The following STRA8 variants were observed in gnomAD, a reference collection of about 807,000 sequenced individuals.
The protein encoded by STRA8 is stimulated by retinoic acid gene 8 protein homolog.
STRA8 carries 18 observed loss-of-function variants against 37.1 expected under a neutral mutation model. The ratio of observed to expected loss-of-function variants is 0.48; its 90% confidence interval spans 0.34 to 0.72. The LOEUF (loss-of-function observed/expected upper bound fraction) is 0.72. Among genes scored for constraint, STRA8 ranks in the 30% least tolerant of loss-of-function variants. STRA8 has a pLI of 0.01. For missense variants in STRA8, 357 were observed against 410.4 expected (o/e 0.87, Z 1.13); for synonymous variants, 168 against 162.9 (o/e 1.03, Z -0.24).
At chr7:135,255,905 G>A (rs1024755964) in intron 8 of STRA8, among the ~76,000 whole-genome samples, 1 of 152,184 alleles carries the variant, frequency 6.6e-6, no homozygotes, top group Non-Finnish European at 1.5e-5. Context: ...TTCCCAAAAC[G>A]CTGGGCTATT....
intron 1 of STRA8, among the ~76,000 whole-genome samples, chr7:135,238,355 G>C (rs1056729480): frequency 6.6e-6 from 1 of 152,150 alleles, no homozygotes; most frequent in Non-Finnish European, 1.5e-5. Context: ...AGAGGCGACT[G>C]GTGGGAAGTC....
rs1465949671 is a variant in STRA8 at position 135,233,912 on chromosome 7, C to T, written c.-7+9C>T. Among the ~76,000 whole-genome samples, 1 of 152,128 alleles carries T rather than the reference C, an allele frequency of 6.6e-6. No homozygotes were observed. The highest frequency in any genetic ancestry group is 1.5e-5 in the Non-Finnish European group (1 of 68,022). On this transcript the variant is annotated intron_variant, in intron 1 of 8. Coordinates refer to ENST00000662584, the MANE Select transcript of STRA8 (RefSeq NM_001394401.1). Reference sequence around the variant, plus strand: ...GCGTGCACCGTTGGCGAGTAAGTATCCTTTGAACGCTCCTCTCCAGAAAGG... The same window carrying T: ...GCGTGCACCGTTGGCGAGTAAGTATTCTTTGAACGCTCCTCTCCAGAAAGG...
chr7:135,245,041 C>T (rs1009774884), intron 4 of STRA8, among the ~76,000 whole-genome samples: 6 of 152,106 alleles, frequency 3.9e-5, no homozygotes, highest in African/African-American at 1.2e-4. Context: ...TTGTCAGATG[C>T]TTTTTCTGCA....
At position 135,258,619 on chromosome 7, in the gene STRA8, T is replaced by C. The variant is rs1832736849; in HGVS notation, c.*127T>C. On this transcript the variant is annotated 3_prime_UTR_variant, in exon 9 of 9. Transcript: ENST00000662584. ...TTTGGAGTGGGTTGTTCCAGAAGCA[T>C]TTTGATGATTTTAGTTTCTGATTAT... 2 of 676,962 alleles carry C rather than the reference T, an allele frequency of 3.0e-6. No individual in the cohort carries two copies. Among genetic ancestry groups the C allele is most frequent in the Non-Finnish European group, 5.0e-6 (2 of 398,072 alleles). The allele number at this position is 676,962 out of a possible 1,614,324, so 41.9% of individuals were successfully genotyped here.
intron 2 of STRA8, among the ~76,000 whole-genome samples, chr7:135,240,926 T>A (rs986878062): frequency 6.6e-6 from 1 of 152,088 alleles, no homozygotes; most frequent in African/African-American, 2.4e-5. Flanking sequence ...AAAGGTGCCA[T>A]CAGATTGGGT....
chr7:135,243,984 T>C (rs1284220895), intron 4 of STRA8, among the ~76,000 whole-genome samples: 1 of 152,232 alleles, frequency 6.6e-6, no homozygotes, highest in Non-Finnish European at 1.5e-5. Context: ...AATGTCACAT[T>C]CATACTTTGA....
At chr7:135,254,835 G>C (rs1585481252) in intron 7 of STRA8, among the ~76,000 whole-genome samples, 1 of 152,308 alleles carries the variant, frequency 6.6e-6, no homozygotes, top group East Asian at 1.9e-4. Flanking sequence ...AAGATTGAGG[G>C]ATAGAGGAAC....
chr7:135,238,085 A>C (rs1832405320), intron 1 of STRA8, among the ~76,000 whole-genome samples: 1 of 152,156 alleles, frequency 6.6e-6, no homozygotes, highest in African/African-American at 2.4e-5. Context: ...AAGACATTGA[A>C]AATCGCTCAA....
intron 1 of STRA8, among the ~76,000 whole-genome samples, 80 bp downstream of exon 1, chr7:135,233,983 T>A (rs1417488399): frequency 6.6e-6 from 1 of 152,184 alleles, no homozygotes. Context: ...AAGAATTCAG[T>A]GCAGCGGAGC....
Position 135,236,266 on chromosome 7 carries a change from ATGTGTGTGTG to A in STRA8, c.-7+2365_-7+2374del, listed in dbSNP as rs138036826. ...TGAGACCCCATCTTTATATATATAT[ATGTGTGTGTG>A]TATGTGTGTGTGTGTGTGTGTGTGT... On this transcript the variant is annotated intron_variant, in intron 1 of 8. Coordinates refer to ENST00000662584, the MANE Select transcript of STRA8 (RefSeq NM_001394401.1). Among the ~76,000 whole-genome samples, 317 of 146,246 alleles carry A rather than the reference ATGTGTGTGTG, an allele frequency of 2.2e-3. 1 individual carries two copies. Among genetic ancestry groups the A allele is most frequent in the African/African-American group, 7.1e-3 (286 of 40,102 alleles).
At chr7:135,234,996 C>A (rs1832348698) in intron 1 of STRA8, among the ~76,000 whole-genome samples, 1 of 152,174 alleles carries the variant, frequency 6.6e-6, no homozygotes, top group Non-Finnish European at 1.5e-5. Flanking sequence ...CCCAACTCAG[C>A]CTCCTGGGTG....
intron 2 of STRA8, among the ~76,000 whole-genome samples, chr7:135,241,674 C>G (rs961507927): frequency 6.6e-6 from 1 of 152,248 alleles, no homozygotes; most frequent in South Asian, 2.1e-4. Context: ...GGACTATTCC[C>G]TCCTCCTTGT....
At position 135,245,395 on chromosome 7, in the gene STRA8, A is replaced by G; in HGVS notation, c.461A>G (p.Glu154Gly). Residue 154 changes from glutamate (E) to glycine (G), a missense_variant, in exon 5 of 9, where the codon GAA becomes GGA. Physicochemically the swap from Glu to Gly is moderately conservative, Grantham distance 98. Coordinates refer to ENST00000662584, the MANE Select transcript of STRA8 (RefSeq NM_001394401.1). ...EEEDEEEEDQ[E>G]EEEEEEEEEE... ...GAAGATGAGGAAGAGGAAGATCAAGAAGAAGAGGAGGAGGAAGAAGAAGAG... is the reference window on the plus strand; with the variant it reads ...GAAGATGAGGAAGAGGAAGATCAAGGAGAAGAGGAGGAGGAAGAAGAAGAG... 1 of 743,190 alleles carries G rather than the reference A, an allele frequency of 1.3e-6. No individual in the cohort carries two copies. Among genetic ancestry groups the G allele is most frequent in the South Asian group, 1.4e-5 (1 of 72,508 alleles). The allele number at this position is 743,190 out of a possible 1,614,324, so 46.0% of individuals were successfully genotyped here.
intron 4 of STRA8, among the ~76,000 whole-genome samples, 168 bp from the exon 5 acceptor site, chr7:135,245,120 A>G (rs1832526215): frequency 6.6e-6 from 1 of 152,110 alleles, no homozygotes; most frequent in Non-Finnish European, 1.5e-5. Context: ...CAAATGTTGA[A>G]CCAGTTCTCT....
intron 1 of STRA8, among the ~76,000 whole-genome samples, chr7:135,236,985 G>C (rs776436655): frequency 6.6e-6 from 1 of 152,188 alleles, no homozygotes; most frequent in Non-Finnish European, 1.5e-5. Context: ...ATTTTTCTTA[G>C]TTGTTGCCAG....
intron 3 of STRA8, 102 bp from the exon 4 acceptor site, chr7:135,243,224 T>C (rs1832493633): frequency 8.2e-7 from 1 of 1,221,878 alleles, no homozygotes; most frequent in African/African-American, 1.5e-5. Flanking sequence ...CCCTGGAGGG[T>C]TCAGGGTCCC....
intron 7 of STRA8, 144 bp downstream of exon 7, chr7:135,252,013 A>AGTGAGTGT: frequency 4.0e-6 from 2 of 503,870 alleles, no homozygotes; most frequent in South Asian, 4.1e-5. Flanking sequence ...AGAGAGAGAG[A>AGTGAGTGT]GTGTGTGTGT....
intron 6 of STRA8, chr7:135,247,013 T>G: frequency 3.4e-6 from 1 of 292,356 alleles, no homozygotes; most frequent in Non-Finnish European, 6.4e-6. Flanking sequence ...CCCGGCTAAT[T>G]TTTTTGTATT....
intron 7 of STRA8, among the ~76,000 whole-genome samples, chr7:135,252,139 G>A (rs1170196152): frequency 6.6e-6 from 1 of 151,968 alleles, no homozygotes; most frequent in African/African-American, 2.4e-5. Context: ...AGAACTACCT[G>A]AGACTGGGTA....
Sources: allele counts gnomAD v4.1 joint callset (sites outside exome capture counted in the v4.1 genomes callset), GRCh38; gene constraint gnomAD v4.1.1; transcripts MANE v1.5; gene names NCBI Gene and HGNC (gene_info 2026-07-23, HGNC 2026-07-21).